TTC24: variants seen among roughly 807,000 people sequenced by gnomAD.
The protein encoded by TTC24 is tetratricopeptide repeat domain 24.
TTC24 carries 54 observed loss-of-function variants against 63.3 expected under a neutral mutation model. That is an observed-to-expected ratio of 0.85 (90% CI 0.69 to 1.07). The LOEUF (loss-of-function observed/expected upper bound fraction) is 1.07. Among genes scored for constraint, TTC24 ranks in the 50% least tolerant of loss-of-function variants. TTC24 has a pLI of 0.00. For synonymous variants in TTC24, 276 were observed against 304.3 expected (o/e 0.91, Z 0.97); for missense variants, 680 against 730.5 (o/e 0.93, Z 0.80).
chr1:156,581,414 C>A lies in TTC24; in HGVS notation c.50C>A (p.Pro17His). ...EDVPRRPEPE[P>H]SSSNKKKKKR... ...GTGCCCCGGAGGCCAGAACCTGAGC[C>A]CTCAAGCTCCAATAAGAAAAAGAAG... Residue 17 changes from proline (P) to histidine (H), a missense_variant, in exon 2 of 11, where the codon CCC becomes CAC. Physicochemically the swap from Pro to His is moderately conservative, Grantham distance 77. Coordinates refer to ENST00000368236, the MANE Select transcript of TTC24 (RefSeq NM_001105669.4). The A allele has an allele frequency of 6.5e-7, 1 of 1,542,154 alleles. No homozygotes were observed. Among genetic ancestry groups the A allele is most frequent in the Non-Finnish European group, 8.8e-7 (1 of 1,142,460 alleles).
chr1:156,585,586 G>T, intron 8 of TTC24, 127 bp from the exon 9 acceptor site: 2 of 715,888 alleles, frequency 2.8e-6, no homozygotes, highest in African/African-American at 1.7e-5. Context: ...CCAACACAGC[G>T]CTGGGTGCTG....
chr1:156,582,561 G>C, intron 3 of TTC24, 127 bp downstream of exon 3: 1 of 823,412 alleles, frequency 1.2e-6, no homozygotes, highest in Non-Finnish European at 1.9e-6. Flanking sequence ...TCCAGAACCA[G>C]TGGGGGAGAG....
chr1:156,586,091 A>T (rs765907536), intron 10 of TTC24, 46 bp downstream of exon 10: 3 of 1,312,534 alleles, frequency 2.3e-6, no homozygotes, highest in Non-Finnish European at 2.1e-6. Context: ...TAGCAAAAAA[A>T]GTAGAATGTG....
rs1158340992 is a variant in TTC24, at chr1:156,587,059, A to G, written c.*509A>G. Among the ~76,000 whole-genome samples the G allele has an allele frequency of 6.8e-6, 1 of 146,334 alleles. No individual in the cohort carries two copies. The highest frequency in any genetic ancestry group is 2.4e-5 in the African/African-American group (1 of 40,958). On this transcript the variant is annotated 3_prime_UTR_variant, in exon 11 of 11. Coordinates refer to ENST00000368236, the MANE Select transcript of TTC24 (RefSeq NM_001105669.4). ...TAGGACAGCTCCTGCCAGCAGCCAC[A>G]GGAACAGTGATGTGATGTAACATTT...
At position 156,580,607 on chromosome 1, in the gene TTC24, A is replaced by G. The variant is rs558654608; in HGVS notation, c.-4-754A>G. On this transcript the variant is annotated intron_variant, in intron 1 of 10. Transcript: ENST00000368236. ...ATTCTCCTGCCTCAGCCTCCCGAGTAGCTGGGATTACAGGCGCCCGCCACC... is the reference window on the plus strand; with the variant it reads ...ATTCTCCTGCCTCAGCCTCCCGAGTGGCTGGGATTACAGGCGCCCGCCACC... Among the ~76,000 whole-genome samples the G allele has an allele frequency of 2.6e-5, 4 of 152,228 alleles. No individual in the cohort carries two copies. In the South Asian group the frequency reaches 8.3e-4, roughly 32 times the overall value.
Position 156,585,742 on chromosome 1 carries a change from T to G in TTC24, c.1486T>G (p.Ser496Ala). 6.2e-7 allele frequency: 1 copy of G among 1,613,966 alleles called. No individual in the cohort carries two copies. The highest frequency in any genetic ancestry group is 8.5e-7 in the Non-Finnish European group (1 of 1,179,848). ...TTTCCTTCCAGGCACAGTGAATCATTCGCACCATCTAGCTTCTAGTTGCCC... is the reference window on the plus strand; with the variant it reads ...TTTCCTTCCAGGCACAGTGAATCATGCGCACCATCTAGCTTCTAGTTGCCC... ...LCFLPGTVNH[S>A]HHLASSCPTF... The change falls in exon 9 of 11, where the codon TCG becomes GCG. Residue 496 changes from serine to alanine, a missense_variant. By Grantham distance (99) the Ser-to-Ala change is moderately conservative. Coordinates refer to ENST00000368236, the MANE Select transcript of TTC24 (RefSeq NM_001105669.4).
intron 1 of TTC24, among the ~76,000 whole-genome samples, 188 bp downstream of exon 1, chr1:156,579,946 G>A (rs1315820568): frequency 6.6e-6 from 1 of 152,102 alleles, no homozygotes; most frequent in African/African-American, 2.4e-5. Flanking sequence ...AAATGGGAGG[G>A]GTCAAGAGCC....
At chr1:156,582,094 C>T in intron 2 of TTC24, 24 bp downstream of exon 2, 1 of 1,463,708 alleles carries the variant, frequency 6.8e-7, no homozygotes, top group Non-Finnish European at 9.0e-7. Flanking sequence ...GCAGGGAAGG[C>T]ATGGGATCTG....
rs1210628173 is a variant in TTC24, at chr1:156,583,988, C to G, written c.1251+93C>G. 1 of 1,085,086 alleles carries G rather than the reference C, an allele frequency of 9.2e-7. No individual in the cohort carries two copies. The highest frequency in any genetic ancestry group is 1.4e-6 in the Non-Finnish European group (1 of 729,714). 67.2% of individuals were successfully genotyped at this position (1,085,086 alleles called of 1,614,324 possible). On this transcript the variant is annotated intron_variant, in intron 6 of 10. Transcript: ENST00000368236. The surrounding 1 kb of genome is among the most constrained non-coding windows in gnomAD (Gnocchi z 4.0). ...AGCAGAGACGCTGTTCCCTGGGATG[C>G]TGCGCGCTTGGCCGCTCATCTGTGT... is the stretch of plus-strand genomic sequence containing the variant.
rs1455108696 is a variant in TTC24 at position 156,586,731 on chromosome 1, TTC to T, written c.*183_*184del. The T allele has an allele frequency of 6.4e-6, 3 of 467,212 alleles. No individual in the cohort carries two copies. Among genetic ancestry groups the T allele is most frequent in the Non-Finnish European group, 1.1e-5 (3 of 261,556 alleles). 28.9% of individuals were successfully genotyped at this position (467,212 alleles called of 1,614,324 possible). On this transcript the variant is annotated 3_prime_UTR_variant, in exon 11 of 11. Transcript: ENST00000368236. ...GCTTTGCAGGCTCGGCCCTGAGAGGTTCTGTTTGTTCCTCCTTGGGATTTTTG... is the reference window on the plus strand; with the variant it reads ...GCTTTGCAGGCTCGGCCCTGAGAGGTTGTTTGTTCCTCCTTGGGATTTTTG...
Position 156,585,834 on chromosome 1 carries a change from G to A in TTC24, c.1570+8G>A, listed in dbSNP as rs1677140504. 6.2e-7 allele frequency: 1 copy of A among 1,607,808 alleles called. No homozygotes were observed. Among genetic ancestry groups the A allele is most frequent in the African/African-American group, 1.3e-5 (1 of 74,794 alleles). The stretch of plus-strand genomic sequence containing the variant: ...GCAAAGCCTCCATCTATAGTGAGCA[G>A]TGCATCCCCTGACACCGCCCCAACT... On this transcript the variant is annotated splice_region_variant and intron_variant, in intron 9 of 10. Coordinates refer to ENST00000368236, the MANE Select transcript of TTC24 (RefSeq NM_001105669.4).
chr1:156,581,110 A>C (rs1310736425), intron 1 of TTC24, among the ~76,000 whole-genome samples: 1 of 152,228 alleles, frequency 6.6e-6, no homozygotes, highest in Middle Eastern at 3.2e-3. Context: ...GTTGAGAAGA[A>C]GGTGCGTTCT....
chr1:156,583,816 G>A lies in TTC24; in HGVS notation c.1172G>A (p.Arg391Gln), dbSNP rs760530416. The A allele has an allele frequency of 9.4e-6, 15 of 1,589,632 alleles. No individual in the cohort carries two copies. The South Asian group carries it at 1.5e-4, about 16-fold the overall frequency. The change falls in exon 6 of 11, where the codon CGA becomes CAA. Residue 391 changes from arginine to glutamine, a missense_variant. Transcript: ENST00000368236. This position sits in a 1 kb window ranked among gnomAD's most constrained non-coding sequence, Gnocchi z 4.0. ...TCCCAGAAGGAGCCAGATTCTGTGC[G>A]AGAACGGCTGGTGGCCAAGCTGGCA... ...AQCQKEPDSV[R>Q]ERLVAKLADT...
intron 10 of TTC24, 90 bp from the exon 11 acceptor site, chr1:156,586,379 T>C (rs116029653): frequency 5.2e-6 from 6 of 1,160,044 alleles, no homozygotes; most frequent in East Asian, 5.1e-5. Context: ...AAGGGCCAAA[T>C]AGGGCAGAGG....
intron 1 of TTC24, among the ~76,000 whole-genome samples, chr1:156,579,969 C>CT (rs1676949067): frequency 6.6e-6 from 1 of 152,148 alleles, no homozygotes; most frequent in Admixed American, 6.5e-5. Context: ...GGGCCTGGGT[C>CT]TTTTCCACTC....
In TTC24 at chr1:156,581,379, C is replaced by T. The variant is rs1676985601; in HGVS notation, c.15C>T (p.Asn5=). 7.3e-6 allele frequency: 11 copies of T among 1,509,274 alleles called. No homozygotes were observed. Among genetic ancestry groups the T allele is most frequent in the Non-Finnish European group, 8.9e-6 (10 of 1,127,068 alleles). 93.5% of individuals were successfully genotyped at this position (1,509,274 alleles called of 1,614,324 possible). MSSP[N]PEDVPRRPEP... Reference sequence around the variant, plus strand: ...TTGTCAGCCCTATGTCTTCCCCCAACCCTGAGGATGTGCCCCGGAGGCCAG... The same window carrying T: ...TTGTCAGCCCTATGTCTTCCCCCAATCCTGAGGATGTGCCCCGGAGGCCAG... Residue 5 remains asparagine (N), a synonymous_variant, in exon 2 of 11, where the codon AAC becomes AAT. Coordinates refer to ENST00000368236, the MANE Select transcript of TTC24 (RefSeq NM_001105669.4).
intron 1 of TTC24, 138 bp from the exon 2 acceptor site, chr1:156,581,223 A>C (rs1411080686): frequency 3.4e-6 from 2 of 586,488 alleles, no homozygotes; most frequent in African/African-American, 3.8e-5. Flanking sequence ...GAAGAAACAA[A>C]GTGAGAGATC....
Position 156,581,870 on chromosome 1 carries a change from A to G in TTC24, c.506A>G (p.Gln169Arg). Residue 169 changes from glutamine (Q) to arginine (R), a missense_variant, in exon 2 of 11, where the codon CAG becomes CGG. By Grantham distance (43) the Gln-to-Arg change is conservative. Coordinates refer to ENST00000368236, the MANE Select transcript of TTC24 (RefSeq NM_001105669.4). Reference protein sequence around the residue: ...KMGACYQALGQPELAAHCLQE... With the variant: ...KMGACYQALGRPELAAHCLQE... ...GGAGCCTGCTACCAGGCTCTGGGAC[A>G]GCCTGAGCTAGCAGCCCACTGCCTG... 1 of 1,548,004 alleles carries G rather than the reference A, an allele frequency of 6.5e-7. No homozygotes were observed. Among genetic ancestry groups the G allele is most frequent in the Non-Finnish European group, 8.7e-7 (1 of 1,144,592 alleles).
chr1:156,583,015 T>C lies in TTC24; in HGVS notation c.911-27T>C. 1 of 1,590,178 alleles carries C rather than the reference T, an allele frequency of 6.3e-7. No homozygotes were observed. Among genetic ancestry groups the C allele is most frequent in the Non-Finnish European group, 8.6e-7 (1 of 1,166,832 alleles). ...ATGTCCCAGCAGCCAGAGTCCCCTC[T>C]GAGGATGGGGTGGGCTCTGTCCTCA... On this transcript the variant is annotated intron_variant, in intron 3 of 10. Coordinates refer to ENST00000368236, the MANE Select transcript of TTC24 (RefSeq NM_001105669.4). This position sits in a 1 kb window ranked among gnomAD's most constrained non-coding sequence, Gnocchi z 4.0.
Sources: gnomAD v4.1 joint callset for allele counts (sites outside exome capture counted in the v4.1 genomes callset) on GRCh38, gnomAD v4.1.1 for gene constraint, Gnocchi (gnomAD v3.1) non-coding constraint, MANE v1.5 for transcripts, NCBI Gene and HGNC (gene_info 2026-07-23, HGNC 2026-07-21) for gene names.